The following TMEM91 variants were observed in gnomAD, a reference collection of about 807,000 sequenced individuals.
TMEM91 encodes dispanin subfamily C member 3.
A neutral mutation model predicts 13.3 loss-of-function variants in TMEM91; 6 were observed. The observed-to-expected ratio is 0.45, with a 90% CI of 0.25 to 0.89. The LOEUF (loss-of-function observed/expected upper bound fraction) is 0.89. TMEM91 is among the 40% of genes least tolerant of loss of function. The pLI, the probability that TMEM91 is intolerant of heterozygous loss-of-function variation, is 0.19. For missense variants in TMEM91, 193 were observed against 228.7 expected (o/e 0.84, Z 1.01); for synonymous variants, 87 against 101.7 (o/e 0.86, Z 0.87).
At chr19:41,382,690 GC>G in intron 2 of TMEM91, 81 bp from the exon 3 acceptor site, 1 of 1,523,580 alleles carries the variant, frequency 6.6e-7, no homozygotes, top group Non-Finnish European at 8.8e-7. Flanking sequence ...GCAGGTATTG[GC>G]CTTTGAGGGC....
chr19:41,364,974 C>G (rs896784001), intron 1 of TMEM91, among the ~76,000 whole-genome samples: 5 of 151,816 alleles, frequency 3.3e-5, no homozygotes, highest in African/African-American at 1.2e-4. Flanking sequence ...CTCCTGGGTT[C>G]AAGGGATCCT....
intron 1 of TMEM91, among the ~76,000 whole-genome samples, chr19:41,377,555 C>G (rs1378554818): frequency 7.1e-6 from 1 of 141,558 alleles, no homozygotes; most frequent in Non-Finnish European, 1.6e-5. Flanking sequence ...GTGTGTGTGA[C>G]TGGGAGGGGT....
chr19:41,382,479 C>G lies in TMEM91; in HGVS notation c.211-293C>G, dbSNP rs566876836. 9.9e-5 allele frequency among the ~76,000 whole-genome samples: 15 copies of G among 152,262 alleles called. No individual in the cohort carries two copies. In the East Asian group the frequency reaches 2.7e-3, roughly 28 times the overall value. ...TCTCTACTAAAAATACAAAATTAGCCAGGTGTGATGGCGTGTGCCTGTAAT... is the reference window on the plus strand; with the variant it reads ...TCTCTACTAAAAATACAAAATTAGCGAGGTGTGATGGCGTGTGCCTGTAAT... On this transcript the variant is annotated intron_variant, in intron 2 of 3. Transcript: ENST00000392002.
At chr19:41,379,421 C>G (rs945504626) in intron 2 of TMEM91, among the ~76,000 whole-genome samples, 8 of 150,172 alleles carry the variant, frequency 5.3e-5, no homozygotes, top group Non-Finnish European at 1.2e-4. Flanking sequence ...GTAGTACCAG[C>G]TACTTGGGAG....
chr19:41,377,991 C>A (rs1210443758), intron 1 of TMEM91, among the ~76,000 whole-genome samples: 1 of 142,724 alleles, frequency 7.0e-6, no homozygotes, highest in Non-Finnish European at 1.5e-5. Context: ...TCTAGCGGAT[C>A]TGCAGTGGTG....
In TMEM91 at chr19:41,384,017, C is replaced by A; in HGVS notation, c.*144C>A. ...AGCGAGCTGGACTGGAACCCTTCCC[C>A]TTCCTGGCCACCGCTCTTCGGGCGG... On this transcript the variant is annotated 3_prime_UTR_variant, in exon 4 of 4. Coordinates refer to ENST00000392002, the MANE Select transcript of TMEM91 (RefSeq NM_001098821.2). 7.2e-7 allele frequency: 1 copy of A among 1,384,864 alleles called. No homozygotes were observed. Among genetic ancestry groups the A allele is most frequent in the South Asian group, 1.5e-5 (1 of 65,212 alleles). The allele number at this position is 1,384,864 out of a possible 1,614,324, so 85.8% of individuals were successfully genotyped here. A position where few individuals can be genotyped will look rare whatever the true frequency, so the allele number is the denominator to read the frequency against.
At chr19:41,371,349 C>CCTTT (rs2123167664) in intron 1 of TMEM91, among the ~76,000 whole-genome samples, 1 of 148,946 alleles carries the variant, frequency 6.7e-6, no homozygotes, top group Admixed American at 6.7e-5. Flanking sequence ...TTCCTTCCTT[C>CCTTT]CTTCCTTCCT....
At chr19:41,379,066 T>C (rs1349168349) in intron 2 of TMEM91, among the ~76,000 whole-genome samples, 4 of 150,964 alleles carry the variant, frequency 2.6e-5, no homozygotes, top group Non-Finnish European at 4.4e-5. Flanking sequence ...ACTCCTGAGC[T>C]CAAGCAATCT....
intron 1 of TMEM91, among the ~76,000 whole-genome samples, chr19:41,371,476 G>A (rs1346806114): frequency 3.3e-5 from 5 of 149,842 alleles, no homozygotes; most frequent in African/African-American, 1.2e-4. Flanking sequence ...CTGGAGTGCA[G>A]TGGCACAATC....
At chr19:41,375,179 A>G (rs561036881), upstream of TMEM91, among the ~76,000 whole-genome samples, 190 of 151,784 alleles carry the variant, frequency 1.3e-3, 1 homozygote, top group African/African-American at 4.3e-3. Context: ...CAAGGGCCAC[A>G]GGAACACAGC....
chr19:41,376,165 GACA>G (rs60180822), upstream of TMEM91: 96,099 of 151,482 alleles, frequency 0.63, 31,194 homozygotes, highest in African/African-American at 0.77. Context: ...AAATAGCAGC[GACA>G]ACAACAACAA....
intron 1 of TMEM91, among the ~76,000 whole-genome samples, chr19:41,367,367 TCACGCCTGTAATCCCAG>T (rs1406916599): frequency 1.6e-4 from 25 of 152,076 alleles, no homozygotes; most frequent in Admixed American, 1.6e-3. Flanking sequence ...GCGCGGTGGC[TCACGCCTGTAATCCCAG>T]CACTTTGGGA....
At chr19:41,374,873 C>T (rs1204100369), upstream of TMEM91, among the ~76,000 whole-genome samples, 1 of 152,126 alleles carries the variant, frequency 6.6e-6, no homozygotes, top group Non-Finnish European at 1.5e-5. Context: ...ATCCTAACTA[C>T]TCGGGAGGCT....
At chr19:41,373,367 G>A (rs971483914), upstream of TMEM91, among the ~76,000 whole-genome samples, 1 of 151,854 alleles carries the variant, frequency 6.6e-6, no homozygotes, top group African/African-American at 2.4e-5. Flanking sequence ...ATGGCCTAGA[G>A]GGATGAGGGG....
intron 2 of TMEM91, among the ~76,000 whole-genome samples, chr19:41,378,825 A>T (rs2015924): frequency 0.1 from 2,958 of 29,680 alleles, 81 homozygotes; most frequent in African/African-American, 0.32. Context: ...TGTGTGTGTG[A>T]GAGAGAGAGA....
chr19:41,377,958 G>C (rs976486475), intron 1 of TMEM91, among the ~76,000 whole-genome samples: 1 of 150,628 alleles, frequency 6.6e-6, no homozygotes, highest in African/African-American at 2.4e-5. Context: ...AGGCTGCAGT[G>C]TGCTGAGATC....
chr19:41,375,067 A>G (rs932741963), upstream of TMEM91, among the ~76,000 whole-genome samples: 2 of 151,928 alleles, frequency 1.3e-5, no homozygotes, highest in African/African-American at 2.4e-5. Flanking sequence ...GTACCACGTG[A>G]CAATCAGAGC....
At chr19:41,375,580 T>C (rs1458198026), upstream of TMEM91, among the ~76,000 whole-genome samples, 2 of 148,108 alleles carry the variant, frequency 1.4e-5, no homozygotes, top group Non-Finnish European at 3.0e-5. Context: ...GCCCGGCCCG[T>C]GAGCCCGTTT....
upstream of TMEM91, among the ~76,000 whole-genome samples, chr19:41,372,621 CTTA>C (rs377137109): frequency 2.1e-3 from 327 of 152,142 alleles, 3 homozygotes; most frequent in African/African-American, 7.5e-3. Flanking sequence ...TCTCATGTTT[CTTA>C]TTATTAGATT....
Sources: gnomAD v4.1 joint callset for allele counts (sites outside exome capture counted in the v4.1 genomes callset) on GRCh38, gnomAD v4.1.1 for gene constraint, MANE v1.5 for transcripts, NCBI Gene and HGNC (gene_info 2026-07-23, HGNC 2026-07-21) for gene names.